The following CACNA1A variants were observed in gnomAD, a reference collection of about 807,000 sequenced individuals.
The protein encoded by CACNA1A is calcium voltage-gated channel subunit alpha1 A.
CACNA1A carries 57 observed loss-of-function variants against 262.4 expected under a neutral mutation model. The observed-to-expected ratio is 0.22, with a 90% confidence interval of 0.18 to 0.27. CACNA1A has a LOEUF of 0.27. Among genes scored for constraint, CACNA1A ranks in the 10% least tolerant of loss-of-function variants. The pLI, the probability that CACNA1A is intolerant of heterozygous loss-of-function variation, is 1.00. For missense variants in CACNA1A, 2,526 were observed against 3,562.8 expected, an observed-to-expected ratio of 0.71 and a Z score of 7.41; for synonymous variants, 1,431 against 1,419.3, an observed-to-expected ratio of 1.01 and a Z score of -0.18.
intron 1 of CACNA1A, 61 bp from the exon 2 acceptor site, chr19:13,455,273 A>AC (rs750716156): frequency 9.1e-5 from 82 of 899,112 alleles, no homozygotes; most frequent in Non-Finnish European, 1.4e-4. Context: ...AGGTGCACCC[A>AC]CCCCCACTGA....
Position 13,214,485 on chromosome 19 carries a change from TG to T in CACNA1A, c.5839+15del. ...GTCCTGGTGGATTGGATCCCAGGGC[TG>T]GGCTCAGCTCTTACACTTGTGAGGT... On this transcript the variant is annotated intron_variant, in intron 39 of 46. Transcript: ENST00000360228. The surrounding 1 kb of genome is among the most constrained non-coding windows in gnomAD (Gnocchi z 4.1). 1 of 1,603,218 alleles carries T rather than the reference TG, an allele frequency of 6.2e-7. No homozygotes were observed. Among genetic ancestry groups the T allele is most frequent in the Non-Finnish European group, 8.5e-7 (1 of 1,170,696 alleles).
intron 36 of CACNA1A, 44 bp downstream of exon 36, chr19:13,230,038 G>A (rs1474363172): frequency 6.3e-7 from 1 of 1,599,680 alleles, no homozygotes; most frequent in East Asian, 2.2e-5. Flanking sequence ...CAGTTCCAGG[G>A]AGAGGTGAGT....
chr19:13,313,664 A>C (rs924600418), intron 11 of CACNA1A, among the ~76,000 whole-genome samples: 2 of 152,148 alleles, frequency 1.3e-5, no homozygotes, highest in Non-Finnish European at 2.9e-5. Flanking sequence ...GATTATTGCC[A>C]AGGACTTTTG....
intron 10 of CACNA1A, among the ~76,000 whole-genome samples, chr19:13,321,845 T>C (rs1408389395): frequency 6.6e-6 from 1 of 151,964 alleles, no homozygotes; most frequent in Non-Finnish European, 1.5e-5. Flanking sequence ...TACACTCCTG[T>C]ATATATTATA....
intron 38 of CACNA1A, among the ~76,000 whole-genome samples, chr19:13,222,391 C>T (rs111876367): frequency 3.4e-5 from 4 of 118,608 alleles, no homozygotes; most frequent in East Asian, 2.7e-4. Flanking sequence ...CCAGCCTTCT[C>T]GGCTTTTTTT....
chr19:13,413,919 GAA>G (rs768867380), intron 3 of CACNA1A, among the ~76,000 whole-genome samples: 1 of 131,182 alleles, frequency 7.6e-6, no homozygotes. Flanking sequence ...AAGAAAGAAA[GAA>G]AGAAAGAAAG....
chr19:13,299,116 C>A lies in CACNA1A; in HGVS notation c.2517G>T (p.Arg839=). 6.2e-7 allele frequency: 1 copy of A among 1,612,728 alleles called. No homozygotes were observed. Among genetic ancestry groups the A allele is most frequent in the Non-Finnish European group, 8.5e-7 (1 of 1,179,742 alleles). The change falls in exon 19 of 47, where the codon CGG becomes CGT. Residue 839 remains arginine (R), a synonymous_variant. Transcript: ENST00000360228. ...ENRNNNTNKS[R]AAEPTVDQRL... is the part of the protein sequence containing the mutation. ...GCTGGTCCACGGTGGGCTCGGCCGC[C>A]CGGCTCTTGTTGGTGTTGTTGTTGC...
At chr19:13,259,878 G>A (rs2056683645) in intron 26 of CACNA1A, 177 bp from the exon 27 acceptor site, 4 of 627,324 alleles carry the variant, frequency 6.4e-6, no homozygotes, top group Admixed American at 5.3e-5. Flanking sequence ...AGGGGATGAC[G>A]TGTGCATCTA....
chr19:13,469,010 T>C (rs1222706371), intron 1 of CACNA1A, among the ~76,000 whole-genome samples: 1 of 151,690 alleles, frequency 6.6e-6, no homozygotes, highest in Non-Finnish European at 1.5e-5. Flanking sequence ...TCAGATAAGG[T>C]GGAAAAGGTG....
At chr19:13,499,017 A>G (rs368665290) in intron 1 of CACNA1A, among the ~76,000 whole-genome samples, 2 of 151,990 alleles carry the variant, frequency 1.3e-5, no homozygotes, top group African/African-American at 4.8e-5. Context: ...TGTTTTTCCT[A>G]TTTTTTTAGG....
Position 13,395,013 on chromosome 19 carries a change from T to A in CACNA1A, c.540-23234A>T, listed in dbSNP as rs2059784502. Among the ~76,000 whole-genome samples, 3 of 152,264 alleles carry A rather than the reference T, an allele frequency of 2.0e-5. No homozygotes were observed. In the South Asian group the frequency reaches 6.2e-4, roughly 32 times the overall value. ...CCAGCTGTGGTAGCTCATGCTGGGA[T>A]TACAAATCCCGGGACTTTGGGAGGC... On this transcript the variant is annotated intron_variant, in intron 3 of 46. Transcript: ENST00000360228.
rs376411982 is a variant in CACNA1A, at chr19:13,497,559, T to A, written c.293+8373A>T. On this transcript the variant is annotated intron_variant, in intron 1 of 46. Transcript: ENST00000360228. Reference sequence around the variant, plus strand: ...ATATATATATATATATATATATATATATATATATATATATATATATAAATT... The same window carrying A: ...ATATATATATATATATATATATATAAATATATATATATATATATATAAATT... Among the ~76,000 whole-genome samples, 10 of 31,538 alleles carry A rather than the reference T, an allele frequency of 3.2e-4. 1 individual carries two copies. Among genetic ancestry groups the A allele is most frequent in the African/African-American group, 4.9e-4 (4 of 8,122 alleles). The allele number at this position is 31,538 out of a possible 152,430, so 20.7% of individuals were successfully genotyped here. A position where few individuals can be genotyped will look rare whatever the true frequency, so the allele number is the denominator to read the frequency against.
At chr19:13,238,141 C>G (rs1305299371) in intron 31 of CACNA1A, among the ~76,000 whole-genome samples, 1 of 152,112 alleles carries the variant, frequency 6.6e-6, no homozygotes, top group Non-Finnish European at 1.5e-5. Context: ...CCTCATCCAC[C>G]CTCCATCTCT....
chr19:13,497,191 A>G (rs1365929531), intron 1 of CACNA1A, among the ~76,000 whole-genome samples: 1 of 151,988 alleles, frequency 6.6e-6, no homozygotes, highest in Non-Finnish European at 1.5e-5. Context: ...AATGATGAGT[A>G]AGCTGTGAAA....
At chr19:13,460,029 A>G (rs928399569) in intron 1 of CACNA1A, among the ~76,000 whole-genome samples, 1 of 152,046 alleles carries the variant, frequency 6.6e-6, no homozygotes, top group African/African-American at 2.4e-5. Context: ...ACAGATACTC[A>G]CACTGCTTTT....
intron 1 of CACNA1A, among the ~76,000 whole-genome samples, chr19:13,483,342 G>T (rs1038456615): frequency 1.3e-5 from 2 of 152,118 alleles, no homozygotes; most frequent in African/African-American, 4.8e-5. Context: ...CAGACTTGGG[G>T]GTTGCTTGTT....
chr19:13,361,853 A>G (rs1382850965), intron 5 of CACNA1A, among the ~76,000 whole-genome samples: 2 of 152,168 alleles, frequency 1.3e-5, no homozygotes, highest in Non-Finnish European at 2.9e-5. Context: ...CCTATAATAA[A>G]TGAGAACTAT....
At chr19:13,428,284 G>A (rs973757786) in intron 3 of CACNA1A, among the ~76,000 whole-genome samples, 3 of 152,298 alleles carry the variant, frequency 2.0e-5, no homozygotes, top group African/African-American at 7.2e-5. Flanking sequence ...TTTGTAAAGG[G>A]CTCATAGTAA....
intron 3 of CACNA1A, among the ~76,000 whole-genome samples, chr19:13,427,642 A>T (rs971663953): frequency 3.9e-5 from 6 of 152,104 alleles, no homozygotes; most frequent in African/African-American, 1.4e-4. Flanking sequence ...TAAAATGTGG[A>T]TCATGAAAAA....
Sources: allele counts gnomAD v4.1 joint callset (sites outside exome capture counted in the v4.1 genomes callset), GRCh38; gene constraint gnomAD v4.1.1; non-coding constraint Gnocchi (gnomAD v3.1); transcripts MANE v1.5; gene names NCBI Gene and HGNC (gene_info 2026-07-23, HGNC 2026-07-21).